BTD: variants seen among roughly 807,000 people sequenced by gnomAD.
The protein encoded by BTD is biocytinase.
BTD carries 13 observed loss-of-function variants against 17.7 expected under a neutral mutation model. The observed-to-expected ratio is 0.74, with a 90% CI of 0.48 to 1.17. BTD has a LOEUF of 1.17. Among genes scored for constraint, BTD ranks in the 50% most tolerant of loss-of-function variants. BTD has a pLI of 0.00. For missense variants in BTD, 674 were observed against 650.4 expected, an observed-to-expected ratio of 1.04 and a Z score of -0.39; for synonymous variants, 240 against 245.2, an observed-to-expected ratio of 0.98 and a Z score of 0.20.
At chr3:15,663,731 A>G (rs1448832147) in intron 3 of BTD, among the ~76,000 whole-genome samples, 1 of 150,700 alleles carries the variant, frequency 6.6e-6, no homozygotes, top group African/African-American at 2.4e-5. Context: ...CTAGAGTTTT[A>G]CTGATGTTAT....
chr3:15,605,022 A>C (rs553617985), intron 1 of BTD, among the ~76,000 whole-genome samples: 1 of 152,122 alleles, frequency 6.6e-6, no homozygotes, highest in Non-Finnish European at 1.5e-5. Context: ...GAGCCCTCCA[A>C]ACTGTTCCAA....
chr3:15,611,059 T>C (rs1170833422), intron 1 of BTD, among the ~76,000 whole-genome samples: 2 of 152,288 alleles, frequency 1.3e-5, no homozygotes, highest in Non-Finnish European at 2.9e-5. Context: ...CATATTTATC[T>C]GAAAGTTAAA....
Position 15,630,445 on chromosome 3 carries a change from A to G in BTD, c.-16-4979A>G, listed in dbSNP as rs896578226. On this transcript the variant is annotated intron_variant, in intron 1 of 3. Transcript: ENST00000643237. ...TCCATGTGCAAAAAAGCCTTCTTAC[A>G]TTAAATACCTGGGCATTTCAGGAAG... Among the ~76,000 whole-genome samples, 16 of 152,370 alleles carry G rather than the reference A, an allele frequency of 1.1e-4. 4 individuals carry two copies. The highest frequency in any genetic ancestry group is 1.9e-4 in the East Asian group (1 of 5,190).
Position 15,642,044 on chromosome 3 carries a change from T to C in BTD, c.386T>C (p.Phe129Ser). The C allele has an allele frequency of 6.2e-7, 1 of 1,614,176 alleles. No individual in the cohort carries two copies. The highest frequency in any genetic ancestry group is 1.1e-5 in the South Asian group (1 of 91,074). ...RWNPCLEPHR[F>S]NDTEVLQRLS... ...AACCCATGCCTGGAGCCTCACCGCT[T>C]CAATGACACAGAGGTGATTCCTGCC... The change falls in exon 3 of 4, where the codon TTC (phenylalanine) becomes TCC (serine). Residue 129 changes from phenylalanine (F) to serine (S), a missense_variant. Phe to Ser is a radical substitution (Grantham distance 155). Transcript: ENST00000643237.
intron 3 of BTD, among the ~76,000 whole-genome samples, chr3:15,693,903 A>G (rs2069156854): frequency 6.6e-6 from 1 of 152,192 alleles, no homozygotes; most frequent in African/African-American, 2.4e-5. Context: ...AAAAAATAAT[A>G]GTACATATGA....
At chr3:15,712,337 A>C (rs1290852320) in exon 4 of BTD, 1 of 799,496 alleles carries the variant, frequency 1.3e-6, no homozygotes, top group African/African-American at 1.7e-5. Context: ...CAAAATGTCT[A>C]ACACTTCGGA....
chr3:15,662,373 G>A (rs545742044), intron 3 of BTD, among the ~76,000 whole-genome samples: 1 of 152,226 alleles, frequency 6.6e-6, no homozygotes, highest in Non-Finnish European at 1.5e-5. Flanking sequence ...GGGTACAAAT[G>A]TAAATAGTAT....
At chr3:15,681,854 G>A (rs534984631) in intron 3 of BTD, among the ~76,000 whole-genome samples, 3 of 152,170 alleles carry the variant, frequency 2.0e-5, no homozygotes, top group Non-Finnish European at 2.9e-5. Context: ...AGAAACCAAT[G>A]ATGCTGCTAA....
intron 3 of BTD, among the ~76,000 whole-genome samples, chr3:15,695,424 C>A (rs181670973): frequency 6.6e-6 from 1 of 152,032 alleles, no homozygotes; most frequent in African/African-American, 2.4e-5. Flanking sequence ...ATATCCATAA[C>A]GTAGGAAAAT....
At chr3:15,629,060 T>C (rs1295079747) in intron 1 of BTD, among the ~76,000 whole-genome samples, 1 of 152,230 alleles carries the variant, frequency 6.6e-6, no homozygotes. Flanking sequence ...TTTGAGTGTT[T>C]AATGCTTTCT....
At chr3:15,640,684 C>A (rs2065473868) in intron 2 of BTD, among the ~76,000 whole-genome samples, 1 of 152,104 alleles carries the variant, frequency 6.6e-6, no homozygotes, top group Admixed American at 6.5e-5. Context: ...AACTGCCATG[C>A]TTGGCCGTAT....
intron 3 of BTD, chr3:15,679,706 T>C: frequency 4.5e-6 from 3 of 670,036 alleles, no homozygotes; most frequent in South Asian, 1.9e-5. Context: ...ATATAACCAT[T>C]GGTAGCTGTT....
At chr3:15,602,996 A>G (rs984550964) in intron 1 of BTD, among the ~76,000 whole-genome samples, 2 of 152,212 alleles carry the variant, frequency 1.3e-5, no homozygotes, top group African/African-American at 4.8e-5. Context: ...ACATGGTGGC[A>G]GGCAAGAGAG....
rs1254108652 is a variant in BTD at position 15,652,823 on chromosome 3, G to A, written c.*7335G>A. On this transcript the variant is annotated 3_prime_UTR_variant, in exon 4 of 4. Transcript: ENST00000643237. Reference sequence around the variant, plus strand: ...TATATATATATCAAGTGCTATTAGTGGCTATTATTTGTTGGGTTACACAAA... The same window carrying A: ...TATATATATATCAAGTGCTATTAGTAGCTATTATTTGTTGGGTTACACAAA... 6.6e-6 allele frequency among the ~76,000 whole-genome samples: 1 copy of A among 152,088 alleles called. No individual in the cohort carries two copies. Among genetic ancestry groups the A allele is most frequent in the African/African-American group, 2.4e-5 (1 of 41,394 alleles).
At chr3:15,604,786 CTT>C (rs1294913394) in intron 1 of BTD, among the ~76,000 whole-genome samples, 1 of 152,214 alleles carries the variant, frequency 6.6e-6, no homozygotes, top group Non-Finnish European at 1.5e-5. Context: ...CCACTAGTCT[CTT>C]TGCATAGCAA....
intron 3 of BTD, among the ~76,000 whole-genome samples, chr3:15,692,067 G>A (rs1452611583): frequency 6.6e-6 from 1 of 151,212 alleles, no homozygotes; most frequent in Non-Finnish European, 1.5e-5. Context: ...TTGAGTCTAG[G>A]AGGTACAGGC....
intron 3 of BTD, among the ~76,000 whole-genome samples, chr3:15,665,028 C>A (rs958464176): frequency 2.0e-5 from 3 of 152,034 alleles, no homozygotes; most frequent in Admixed American, 2.0e-4. Context: ...AAATTAGTTT[C>A]AAATTAAGGA....
chr3:15,686,624 C>T (rs773283630), intron 3 of BTD, among the ~76,000 whole-genome samples: 28 of 152,116 alleles, frequency 1.8e-4, no homozygotes, highest in Non-Finnish European at 3.2e-4. Context: ...GCCTTGACTC[C>T]AGCAAAGGGA....
At position 15,648,274 on chromosome 3, in the gene BTD, T is replaced by TAGAA. The variant is rs3216714; in HGVS notation, c.*2788_*2789insAAAG. 0.73 allele frequency among the ~76,000 whole-genome samples: 111,147 copies of TAGAA among 151,724 alleles called. 40,850 individuals are homozygous for TAGAA. The highest frequency in any genetic ancestry group is 0.79 in the Admixed American group (11,995 of 15,272). ...CAAAGTGGATTTATATAGGACAAAA[T>TAGAA]AGGCATAAAAGTATGAAATGTTTTG... On this transcript the variant is annotated 3_prime_UTR_variant, in exon 4 of 4. Transcript: ENST00000643237.
Sources: gnomAD v4.1 joint callset for allele counts (sites outside exome capture counted in the v4.1 genomes callset) on GRCh38, gnomAD v4.1.1 for gene constraint, MANE v1.5 for transcripts, NCBI Gene and HGNC (gene_info 2026-07-23, HGNC 2026-07-21) for gene names.